The following ZPLD1 variants were observed in gnomAD, a reference collection of about 807,000 sequenced individuals.
The protein encoded by ZPLD1 is zona pellucida-like domain-containing protein 1.
A neutral mutation model predicts 47.2 loss-of-function variants in ZPLD1; 34 were observed. The observed-to-expected ratio is 0.72, with a 90% CI of 0.55 to 0.96. The LOEUF (loss-of-function observed/expected upper bound fraction) is 0.96. Ranked by LOEUF, ZPLD1 falls within the 40% of genes least tolerant of loss-of-function variation. The probability of loss-of-function intolerance (pLI) is 0.00; values close to 1 mark genes in which losing one functional copy is unlikely to be tolerated. For synonymous variants in ZPLD1, 176 were observed against 186.2 expected, an observed-to-expected ratio of 0.95 and a Z score of 0.45; for missense variants, 512 against 505.8, an observed-to-expected ratio of 1.01 and a Z score of -0.12.
chr3:102,397,955 A>G (rs912696768), intron 7 of ZPLD1, among the ~76,000 whole-genome samples: 1 of 152,134 alleles, frequency 6.6e-6, no homozygotes, highest in Non-Finnish European at 1.5e-5. Flanking sequence ...CTAAGTAATA[A>G]TTTCTCTTTA....
At chr3:102,477,360 G>C (rs946811000) in intron 11 of ZPLD1, 83 bp from the exon 12 acceptor site, 2 of 1,362,610 alleles carry the variant, frequency 1.5e-6, no homozygotes, top group African/African-American at 2.9e-5. Context: ...GCTGATGAAA[G>C]ATGTTTTGCA....
At chr3:102,419,452 C>T (rs985160124) in intron 8 of ZPLD1, among the ~76,000 whole-genome samples, 3 of 151,756 alleles carry the variant, frequency 2.0e-5, no homozygotes, top group African/African-American at 4.8e-5. Flanking sequence ...TTGTTAATAG[C>T]CTCATAACAT....
At chr3:102,469,653 G>C (rs564899681) in intron 9 of ZPLD1, among the ~76,000 whole-genome samples, 2 of 152,310 alleles carry the variant, frequency 1.3e-5, no homozygotes, top group East Asian at 1.9e-4. Context: ...TAGTTCTTCA[G>C]TAGGGTTGTA....
intron 3 of ZPLD1, among the ~76,000 whole-genome samples, chr3:102,445,599 G>A (rs866832579): frequency 1.3e-5 from 2 of 152,310 alleles, no homozygotes; most frequent in South Asian, 2.1e-4. Context: ...CCCCAGCTCA[G>A]ATCCACTGAA....
chr3:102,471,347 C>G (rs16845049), intron 10 of ZPLD1, among the ~76,000 whole-genome samples: 18,766 of 152,206 alleles, frequency 0.12, 1,234 homozygotes, highest in Middle Eastern at 0.18. Flanking sequence ...GTGAATTCTC[C>G]ACGTCTTTAT....
chr3:102,429,924 A>T (rs1002846314), intron 8 of ZPLD1, among the ~76,000 whole-genome samples: 1 of 152,174 alleles, frequency 6.6e-6, no homozygotes, highest in African/African-American at 2.4e-5. Flanking sequence ...GTCATTCTTG[A>T]TTCCTTTTTC....
At chr3:102,441,746 A>G (rs888223850) in intron 3 of ZPLD1, among the ~76,000 whole-genome samples, 1 of 152,128 alleles carries the variant, frequency 6.6e-6, no homozygotes, top group African/African-American at 2.4e-5. Flanking sequence ...AACTCATTAC[A>G]TATGTTTTCA....
intron 7 of ZPLD1, among the ~76,000 whole-genome samples, chr3:102,403,945 A>G (rs1013193980): frequency 1.3e-5 from 2 of 152,004 alleles, no homozygotes; most frequent in Non-Finnish European, 1.5e-5. Flanking sequence ...CTCTGTTGGC[A>G]TGGAAAATTG....
chr3:102,400,622 A>G (rs1706609107), intron 7 of ZPLD1, among the ~76,000 whole-genome samples: 1 of 152,026 alleles, frequency 6.6e-6, no homozygotes, highest in African/African-American at 2.4e-5. Flanking sequence ...TACTGACTGC[A>G]CTATTTACTT....
chr3:102,473,960 T>C (rs1707721829), intron 10 of ZPLD1, among the ~76,000 whole-genome samples: 1 of 152,198 alleles, frequency 6.6e-6, no homozygotes, highest in Admixed American at 6.5e-5. Flanking sequence ...GCTTGGAAGT[T>C]TTGCTCTATT....
intron 7 of ZPLD1, among the ~76,000 whole-genome samples, chr3:102,417,721 G>C (rs1706825876): frequency 6.6e-6 from 1 of 151,946 alleles, no homozygotes; most frequent in South Asian, 2.1e-4. Flanking sequence ...ACAGGACATT[G>C]ATAACTGTGC....
intron 2 of ZPLD1, among the ~76,000 whole-genome samples, chr3:102,437,912 C>G (rs537114989): frequency 1.1e-4 from 16 of 152,262 alleles, no homozygotes; most frequent in African/African-American, 3.8e-4. Context: ...ACTATGTTTC[C>G]TAAGAAAATG....
intron 9 of ZPLD1, among the ~76,000 whole-genome samples, chr3:102,469,654 T>A (rs946429409): frequency 6.6e-6 from 1 of 152,112 alleles, no homozygotes; most frequent in Non-Finnish European, 1.5e-5. Context: ...AGTTCTTCAG[T>A]AGGGTTGTAG....
intron 7 of ZPLD1, among the ~76,000 whole-genome samples, chr3:102,394,251 A>G (rs972544367): frequency 3.3e-5 from 5 of 152,220 alleles, no homozygotes; most frequent in Non-Finnish European, 7.3e-5. Context: ...AATGTAAGAC[A>G]TGACAATAAT....
intron 6 of ZPLD1, among the ~76,000 whole-genome samples, chr3:102,390,473 T>C (rs546665623): frequency 1.2e-4 from 18 of 152,230 alleles, no homozygotes; most frequent in Non-Finnish European, 2.1e-4. Flanking sequence ...CCTAAAATAT[T>C]TTATTCAGTT....
intron 7 of ZPLD1, among the ~76,000 whole-genome samples, chr3:102,413,197 C>A (rs577460870): frequency 2.0e-5 from 3 of 151,756 alleles, no homozygotes; most frequent in African/African-American, 7.2e-5. Context: ...ACAGTTCACA[C>A]TAAGTCATAA....
intron 8 of ZPLD1, among the ~76,000 whole-genome samples, chr3:102,467,836 TACACACACACACAC>T (rs61096565): frequency 1.5e-4 from 21 of 140,984 alleles, no homozygotes; most frequent in Admixed American, 3.6e-4. Flanking sequence ...AATAAAACTG[TACACACACACACAC>T]ACACACACAC....
intron 4 of ZPLD1, among the ~76,000 whole-genome samples, chr3:102,455,032 A>G (rs1707391236): frequency 6.6e-6 from 1 of 152,188 alleles, no homozygotes; most frequent in Admixed American, 6.5e-5. Flanking sequence ...TCATTCCTTC[A>G]TGGGAAAAAA....
intron 8 of ZPLD1, among the ~76,000 whole-genome samples, chr3:102,429,200 T>C (rs1658375662): frequency 6.6e-6 from 1 of 152,200 alleles, no homozygotes; most frequent in Admixed American, 6.5e-5. Context: ...ACTCATGTAA[T>C]CTAAGTGTTT....
Sources: gnomAD v4.1 joint callset for allele counts (sites outside exome capture counted in the v4.1 genomes callset) on GRCh38, gnomAD v4.1.1 for gene constraint, MANE v1.5 for transcripts, NCBI Gene and HGNC (gene_info 2026-07-23, HGNC 2026-07-21) for gene names.